The following DIS3L variants were observed in gnomAD, a reference collection of about 807,000 sequenced individuals.
DIS3L encodes the protein DIS3 like exosome 3'-5' exoribonuclease, also known as DIS3-like exonuclease 1.
A neutral mutation model predicts 120.3 loss-of-function variants in DIS3L; 100 were observed. The ratio of observed to expected loss-of-function variants is 0.83; its 90% CI spans 0.71 to 0.98. DIS3L has a LOEUF of 0.98. Among genes scored for constraint, DIS3L ranks in the 50% least tolerant of loss-of-function variants. The pLI is 0.00. For missense variants in DIS3L, 1,196 were observed against 1,314.2 expected, an observed-to-expected ratio of 0.91 and a Z score of 1.39; for synonymous variants, 426 against 470.6, an observed-to-expected ratio of 0.91 and a Z score of 1.23.
chr15:66,298,166 C>A (rs1373243077), intron 2 of DIS3L, among the ~76,000 whole-genome samples: 1 of 61,770 alleles, frequency 1.6e-5, no homozygotes, highest in Non-Finnish European at 2.9e-5. Flanking sequence ...GCAACAAAAG[C>A]AAGACTCCGT....
Position 66,320,296 on chromosome 15 carries a change from G to A in DIS3L, c.1165-275G>A, listed in dbSNP as rs76594005. 9.7e-3 allele frequency among the ~76,000 whole-genome samples: 1,478 copies of A among 152,030 alleles called. 52 individuals are homozygous for A. The highest frequency in any genetic ancestry group is 0.061 in the Admixed American group (935 of 15,250). On this transcript the variant is annotated intron_variant, in intron 8 of 16. Transcript: ENST00000319212. The stretch of plus-strand genomic sequence containing the variant: ...ATTACAGTTAACTAGAATATATTAC[G>A]GCTCTCTTCAGCAGACTAAAATTTC...
At chr15:66,295,676 C>T (rs182412409) in intron 2 of DIS3L, among the ~76,000 whole-genome samples, 27 of 152,130 alleles carry the variant, frequency 1.8e-4, no homozygotes, top group Non-Finnish European at 3.7e-4. Flanking sequence ...TAAACAAAGG[C>T]TTTCTAATTG....
rs3082917 is a variant in DIS3L at position 66,333,386 on chromosome 15, GTCAC to G, written c.*78_*81del. Reference sequence around the variant, plus strand: ...TTTTCAAACTTAACATTTAATGTGTGTCACTCAGTGCTCTAGTCGATCAGGACTG... The same window carrying G: ...TTTTCAAACTTAACATTTAATGTGTGTCAGTGCTCTAGTCGATCAGGACTG... On this transcript the variant is annotated 3_prime_UTR_variant, in exon 17 of 17. Coordinates refer to ENST00000319212, the MANE Select transcript of DIS3L (RefSeq NM_001143688.3). The G allele has an allele frequency of 0.096, 137,917 of 1,435,392 alleles. 8,785 individuals are homozygous for G. Among genetic ancestry groups the G allele is most frequent in the East Asian group, 0.36 (15,943 of 43,788 alleles). 88.9% of individuals were successfully genotyped at this position (1,435,392 alleles called of 1,614,324 possible).
chr15:66,312,016 G>A, intron 5 of DIS3L, 116 bp downstream of exon 5: 1 of 1,204,828 alleles, frequency 8.3e-7, no homozygotes, highest in Non-Finnish European at 1.1e-6. Context: ...AGACCAGACT[G>A]GGCAACATAG....
In DIS3L at chr15:66,323,503, T is replaced by G; in HGVS notation, c.1585T>G (p.Tyr529Asp). The G allele has an allele frequency of 6.2e-7, 1 of 1,614,252 alleles. No individual in the cohort carries two copies. ...DIEARTRATT[Y>D]YLADRRYDML... ...GTGTGTCATTCACAGGGCCACCACT[T>G]ATTATCTAGCAGATCGTCGCTATGA... The change falls in exon 11 of 17, where the codon TAT (tyrosine) becomes GAT (aspartate). Residue 529 changes from tyrosine (Y) to aspartate (D), a missense_variant. Physicochemically the swap from Tyr to Asp is radical, Grantham distance 160. Transcript: ENST00000319212.
chr15:66,294,754 A>T (rs559173775), intron 1 of DIS3L, among the ~76,000 whole-genome samples: 1 of 152,262 alleles, frequency 6.6e-6, no homozygotes, highest in African/African-American at 2.4e-5. Flanking sequence ...CCTCTCCGGC[A>T]CCTCTGGCAA....
In DIS3L at chr15:66,326,355, T is replaced by G; in HGVS notation, c.2192T>G (p.Ile731Arg). The stretch of plus-strand genomic sequence containing the variant: ...TGTGCTAAAGCCAAAGGCTTCTTCA[T>G]AGATACACGGTATTCCTCTTTTGAG... Reference protein sequence around the residue: ...RECAKAKGFFIDTRSNKTLAD... With the variant: ...RECAKAKGFFRDTRSNKTLAD... The change falls in exon 12 of 17, where the codon ATA (isoleucine) becomes AGA (arginine). Residue 731 changes from isoleucine to arginine, a missense_variant. Transcript: ENST00000319212. The G allele has an allele frequency of 1.2e-6, 2 of 1,613,936 alleles. No individual in the cohort carries two copies. Among genetic ancestry groups the G allele is most frequent in the Admixed American group, 1.7e-5 (1 of 59,998 alleles).
At chr15:66,326,446 A>G (rs2092939318) in intron 12 of DIS3L, 82 bp downstream of exon 12, 1 of 1,433,974 alleles carries the variant, frequency 7.0e-7, no homozygotes, top group African/African-American at 1.4e-5. Flanking sequence ...AAAATGTGAC[A>G]GCCAGATCTT....
intron 2 of DIS3L, among the ~76,000 whole-genome samples, chr15:66,303,676 G>A (rs1270407071): frequency 4.6e-5 from 7 of 152,134 alleles, no homozygotes; most frequent in Non-Finnish European, 8.8e-5. Flanking sequence ...ATAACAAATT[G>A]CAGATGCTTA....
intron 5 of DIS3L, among the ~76,000 whole-genome samples, chr15:66,313,137 A>G (rs2092779422): frequency 6.6e-6 from 1 of 152,094 alleles, no homozygotes; most frequent in African/African-American, 2.4e-5. Context: ...CTGGGATTAC[A>G]GGCACACGCC....
In DIS3L at chr15:66,325,869, C is replaced by A. The variant is rs139725286; in HGVS notation, c.1706C>A (p.Ser569Tyr). The A allele has an allele frequency of 6.2e-7, 1 of 1,612,598 alleles. No individual in the cohort carries two copies. The highest frequency in any genetic ancestry group is 8.5e-7 in the Non-Finnish European group (1 of 1,178,642). Residue 569 changes from serine (S) to tyrosine (Y), a missense_variant, in exon 12 of 17, where the codon TCT (serine) becomes TAT (tyrosine). By Grantham distance (144) the Ser-to-Tyr change is moderately radical. Coordinates refer to ENST00000319212, the MANE Select transcript of DIS3L (RefSeq NM_001143688.3). Reference sequence around the variant, plus strand: ...ATCATGTGGGAACTGGATAAAGCCTCTTATGAAATTAAGAAAGTGTGGTAT... The same window carrying A: ...ATCATGTGGGAACTGGATAAAGCCTATTATGAAATTAAGAAAGTGTGGTAT... ...VSIMWELDKA[S>Y]YEIKKVWYGR...
intron 11 of DIS3L, 54 bp from the exon 12 acceptor site, chr15:66,325,775 CAA>C: frequency 6.5e-7 from 1 of 1,536,004 alleles, no homozygotes. Context: ...AAACAAAAAA[CAA>C]AAAAAGCCAG....
At chr15:66,303,633 C>A (rs1546572) in intron 2 of DIS3L, among the ~76,000 whole-genome samples, 137,348 of 152,210 alleles carry the variant, frequency 0.9, 63,628 homozygotes, top group East Asian at 1. Flanking sequence ...ACAAAGGAAG[C>A]ACAGGCAATA....
intron 2 of DIS3L, among the ~76,000 whole-genome samples, chr15:66,305,103 C>A (rs2092691148): frequency 6.7e-6 from 1 of 149,414 alleles, no homozygotes; most frequent in African/African-American, 2.5e-5. Flanking sequence ...AGGGTTCACG[C>A]CCATCTCCTG....
At chr15:66,324,397 T>G (rs1006263187) in intron 11 of DIS3L, among the ~76,000 whole-genome samples, 3 of 152,186 alleles carry the variant, frequency 2.0e-5, no homozygotes, top group African/African-American at 7.2e-5. Context: ...GGTCTTGAAC[T>G]CCTGTGCTCA....
In DIS3L at chr15:66,332,998, T is replaced by C; in HGVS notation, c.2857-6T>C. Reference sequence around the variant, plus strand: ...TTAGTAATATGTATTTTCTTCTCTATGCTAGGTAAGAATATCCATACAGGC... The same window carrying C: ...TTAGTAATATGTATTTTCTTCTCTACGCTAGGTAAGAATATCCATACAGGC... On this transcript the variant is annotated splice_polypyrimidine_tract_variant and splice_region_variant and intron_variant, in intron 16 of 16. Transcript: ENST00000319212. The C allele has an allele frequency of 1.9e-6, 3 of 1,602,812 alleles. No homozygotes were observed. The highest frequency in any genetic ancestry group is 2.6e-6 in the Non-Finnish European group (3 of 1,175,730).
chr15:66,332,657 C>A, intron 15 of DIS3L, 79 bp from the exon 16 acceptor site: 1 of 1,332,238 alleles, frequency 7.5e-7, no homozygotes, highest in Non-Finnish European at 1.0e-6. Flanking sequence ...AGGAGAAAAA[C>A]TAGTATTCTA....
chr15:66,321,304 C>T (rs1195827408), intron 9 of DIS3L, among the ~76,000 whole-genome samples: 2 of 152,152 alleles, frequency 1.3e-5, no homozygotes, highest in Non-Finnish European at 2.9e-5. Flanking sequence ...TCATTGTGTG[C>T]ACACACTAAT....
chr15:66,318,242 G>A (rs750870062), intron 7 of DIS3L, among the ~76,000 whole-genome samples: 3 of 152,108 alleles, frequency 2.0e-5, no homozygotes, highest in Non-Finnish European at 2.9e-5. Context: ...CCAAAGTGCT[G>A]GGATTACAGG....
Sources: allele counts gnomAD v4.1 joint callset (sites outside exome capture counted in the v4.1 genomes callset), GRCh38; gene constraint gnomAD v4.1.1; transcripts MANE v1.5; gene names NCBI Gene and HGNC (gene_info 2026-07-23, HGNC 2026-07-21).